PVT1: variants seen among roughly 807,000 people sequenced by gnomAD.
PVT1 encodes CXCR4/PVT1 fusion.
intron 2 of PVT1, among the ~76,000 whole-genome samples, chr8:127,854,043 G>A (rs1398715388): frequency 3.3e-5 from 5 of 152,184 alleles, no homozygotes; most frequent in Admixed American, 3.3e-4. Context: ...AAGGAGGCCT[G>A]CTGGTATCCC....
At chr8:127,837,395 G>GT (rs368894030) in intron 2 of PVT1, among the ~76,000 whole-genome samples, 63,409 of 140,700 alleles carry the variant, frequency 0.45, 13,733 homozygotes, top group Admixed American at 0.48. Context: ...TTTTGTTGTT[G>GT]TTTTTTTTTT....
At chr8:127,825,981 G>T (rs1814783343) in intron 2 of PVT1, among the ~76,000 whole-genome samples, 2 of 147,430 alleles carry the variant, frequency 1.4e-5, no homozygotes, top group South Asian at 4.3e-4. Context: ...CTCCTCAGTT[G>T]CTGGGACTAC....
At chr8:127,976,355 A>C (rs1278857709) in intron 3 of PVT1, among the ~76,000 whole-genome samples, 1 of 152,224 alleles carries the variant, frequency 6.6e-6, no homozygotes, top group Non-Finnish European at 1.5e-5. Context: ...ACTAATAAAC[A>C]AGAGGATGAA....
At chr8:128,065,210 G>A (rs558754930) in intron 4 of PVT1, among the ~76,000 whole-genome samples, 1 of 148,744 alleles carries the variant, frequency 6.7e-6, no homozygotes, top group Non-Finnish European at 1.5e-5. Flanking sequence ...ATTTTTTTTT[G>A]AGACACAATT....
intron 5 of PVT1, among the ~76,000 whole-genome samples, chr8:128,090,264 G>A (rs866044187): frequency 9.2e-5 from 14 of 152,286 alleles, no homozygotes; most frequent in East Asian, 1.9e-4. Context: ...GTAACTCCAC[G>A]CAAGACTGTC....
intron 2 of PVT1, among the ~76,000 whole-genome samples, chr8:127,868,288 A>G (rs375538630): frequency 2.6e-5 from 4 of 152,198 alleles, no homozygotes; most frequent in African/African-American, 7.2e-5. Context: ...AATTTAAAAC[A>G]TGAGTTCCAC....
intron 3 of PVT1, among the ~76,000 whole-genome samples, chr8:127,924,335 TTTTG>T (rs906024336): frequency 6.6e-6 from 1 of 152,124 alleles, no homozygotes; most frequent in Non-Finnish European, 1.5e-5. Context: ...ACACAATTTT[TTTTG>T]TTTGTTTGTT....
chr8:127,857,406 C>T (rs1048766618), intron 2 of PVT1, among the ~76,000 whole-genome samples: 1 of 151,988 alleles, frequency 6.6e-6, no homozygotes, highest in East Asian at 1.9e-4. Flanking sequence ...GGCATGGTGG[C>T]TCCTGCCTGT....
intron 4 of PVT1, among the ~76,000 whole-genome samples, chr8:128,056,288 T>G (rs1453063349): frequency 6.6e-6 from 1 of 152,226 alleles, no homozygotes; most frequent in Non-Finnish European, 1.5e-5. Context: ...TGTGTGTGTA[T>G]TCATGCCTAT....
At chr8:128,066,118 T>C (rs1031171863) in intron 4 of PVT1, among the ~76,000 whole-genome samples, 7 of 152,224 alleles carry the variant, frequency 4.6e-5, no homozygotes, top group Admixed American at 1.3e-4. Context: ...TTCTTGCTAG[T>C]TGAATGGATG....
intron 4 of PVT1, among the ~76,000 whole-genome samples, chr8:127,991,651 C>T (rs377093585): frequency 1.3e-5 from 2 of 152,136 alleles, no homozygotes; most frequent in Admixed American, 6.5e-5. Context: ...GGTGGGGTGA[C>T]GGAGAGACAT....
intron 5 of PVT1, among the ~76,000 whole-genome samples, chr8:128,079,849 C>T (rs189444312): frequency 1.6e-3 from 247 of 152,156 alleles, no homozygotes; most frequent in Non-Finnish European, 1.9e-3. Context: ...CTCAGCCTCC[C>T]GAGTAGTTGG....
intron 2 of PVT1, among the ~76,000 whole-genome samples, chr8:127,804,633 C>T (rs1811194006): frequency 6.6e-6 from 1 of 151,040 alleles, no homozygotes; most frequent in South Asian, 2.1e-4. Context: ...CTCTACCTCC[C>T]AGGTTCAAGC....
chr8:127,937,900 AT>A (rs1412591823), intron 3 of PVT1, among the ~76,000 whole-genome samples: 1 of 152,170 alleles, frequency 6.6e-6, no homozygotes, highest in Non-Finnish European at 1.5e-5. Context: ...CAGAGCTAGA[AT>A]TTAGTCTCTG....
chr8:127,998,576 C>G (rs1339585688), intron 4 of PVT1, among the ~76,000 whole-genome samples: 1 of 147,730 alleles, frequency 6.8e-6, no homozygotes, highest in Non-Finnish European at 1.5e-5. Context: ...TTCCCTTCCT[C>G]CCTCCCTCTT....
intron 4 of PVT1, among the ~76,000 whole-genome samples, chr8:128,069,642 C>T (rs556992771): frequency 1.3e-5 from 2 of 152,134 alleles, no homozygotes; most frequent in African/African-American, 2.4e-5. Flanking sequence ...GCCCCTGCTA[C>T]GTTCCAAGCT....
At chr8:127,897,462 G>T (rs1815693479) in intron 3 of PVT1, among the ~76,000 whole-genome samples, 1 of 149,342 alleles carries the variant, frequency 6.7e-6, no homozygotes, top group Non-Finnish European at 1.5e-5. Flanking sequence ...AATGAAGAAA[G>T]AAAGTAAGAA....
chr8:127,982,299 A>AC (rs1816890623), intron 3 of PVT1, among the ~76,000 whole-genome samples: 1 of 152,148 alleles, frequency 6.6e-6, no homozygotes, highest in South Asian at 2.1e-4. Flanking sequence ...TGGTGATCAA[A>AC]TCTAAACACT....
rs577155090 is a variant in PVT1 at position 128,090,460 on chromosome 8, G to A, written n.1115-6058G>A. On this transcript the variant is annotated intron_variant and non_coding_transcript_variant, in intron 5 of 10. Transcript: ENST00000651587. ...AAGAGAAAAGTTAAAGGCTGACTTT[G>A]ATGGGGGGCTAAGTCCTCAGAGAAC... is the stretch of plus-strand genomic sequence containing the variant. Among the ~76,000 whole-genome samples the A allele has an allele frequency of 9.2e-5, 14 of 152,320 alleles. No individual in the cohort carries two copies. In the South Asian group the frequency reaches 2.9e-3, roughly 32 times the overall value.
Sources: allele counts gnomAD v4.1 joint callset (sites outside exome capture counted in the v4.1 genomes callset), GRCh38; gene constraint gnomAD v4.1.1; transcripts MANE v1.5; gene names NCBI Gene and HGNC (gene_info 2026-07-23, HGNC 2026-07-21).